Variants in EXOSC10 observed in about 807,000 individuals in gnomAD.
EXOSC10 encodes the protein exosome component 10, also known as exosome complex component 10.
In EXOSC10, 94 loss-of-function variants were observed where a neutral mutation model predicts 126.6. The ratio of observed to expected loss-of-function variants is 0.74; its 90% CI spans 0.63 to 0.88. The LOEUF is 0.88. EXOSC10 is among the 40% of genes least tolerant of loss of function. The probability of loss-of-function intolerance (pLI) is 0.00; values close to 1 mark genes in which losing one functional copy is unlikely to be tolerated. For missense variants in EXOSC10, 1,041 were observed against 1,100.5 expected (o/e 0.95, Z 0.77); for synonymous variants, 395 against 400.8 (o/e 0.99, Z 0.17).
chr1:11,098,250 T>A, intron 1 of EXOSC10, 94 bp from the exon 2 acceptor site: 4 of 1,391,880 alleles, frequency 2.9e-6, no homozygotes, highest in Non-Finnish European at 2.8e-6. Flanking sequence ...AGGTATCTAC[T>A]CTTCATCCAT....
At chr1:11,088,070 T>C in intron 7 of EXOSC10, 53 bp downstream of exon 7, 1 of 1,433,166 alleles carries the variant, frequency 7.0e-7, no homozygotes, top group Non-Finnish European at 9.7e-7. Context: ...TCTACTTATT[T>C]GATTCCTCTT....
In EXOSC10 at chr1:11,089,633, A is replaced by G. The variant is rs868091964; in HGVS notation, c.758+921T>C. On this transcript the variant is annotated intron_variant, in intron 6 of 24. Transcript: ENST00000376936. ...CGAAACTCCGTCCCAAAAAAAAAAA[A>G]AAAGAAAGAAAGAAAGAAAGAAAGA... is the stretch of plus-strand genomic sequence containing the variant. 6.0e-5 allele frequency among the ~76,000 whole-genome samples: 9 copies of G among 148,794 alleles called. No homozygotes were observed. The East Asian group carries it at 9.7e-4, about 16-fold the overall frequency.
chr1:11,073,979 G>A lies in EXOSC10; in HGVS notation c.2112C>T (p.Pro704=), dbSNP rs200016047. 1.7e-5 allele frequency: 27 copies of A among 1,613,842 alleles called. No homozygotes were observed. Among genetic ancestry groups the A allele is most frequent in the South Asian group, 5.5e-5 (5 of 91,060 alleles). The change falls in exon 19 of 25, where the codon CCC becomes CCT. Residue 704 remains proline, a synonymous_variant. Transcript: ENST00000376936. ...MFLPSLGHRA[P]VSQAAKFDPS... ...GATCGAACTTCGCTGCCTGAGAGAC[G>A]GGAGCACGGTGTCCCAGTGAGGGCA...
intron 9 of EXOSC10, among the ~76,000 whole-genome samples, chr1:11,083,562 CAAAAAA>C (rs35412224): frequency 6.1e-5 from 4 of 65,898 alleles, no homozygotes; most frequent in African/African-American, 2.7e-4. Flanking sequence ...AACTCCGTCT[CAAAAAA>C]AAAAAAAAAA....
intron 24 of EXOSC10, among the ~76,000 whole-genome samples, chr1:11,067,329 G>C (rs1442859069): frequency 6.6e-6 from 1 of 152,140 alleles, no homozygotes; most frequent in Non-Finnish European, 1.5e-5. Flanking sequence ...CTACTCGAGA[G>C]GCTGAGGCAG....
intron 6 of EXOSC10, among the ~76,000 whole-genome samples, chr1:11,089,835 T>C (rs1241119592): frequency 5.3e-5 from 8 of 151,890 alleles, no homozygotes; most frequent in Admixed American, 3.3e-4. Flanking sequence ...TCACAGCTAC[T>C]TGGGAGGCAG....
intron 9 of EXOSC10, 72 bp downstream of exon 9, chr1:11,087,376 G>T: frequency 5.8e-6 from 9 of 1,562,810 alleles, no homozygotes; most frequent in South Asian, 1.1e-5. Context: ...TTGAAATAAT[G>T]AAATAGTACA....
chr1:11,066,642 T>C lies in EXOSC10; in HGVS notation c.*76A>G. The stretch of plus-strand genomic sequence containing the variant: ...CTTTCTTCAGGAAGAATTTTAATGG[T>C]TTAAAAATATGTATGTACAAAAGCA... On this transcript the variant is annotated 3_prime_UTR_variant, in exon 25 of 25. Coordinates refer to ENST00000376936, the MANE Select transcript of EXOSC10 (RefSeq NM_001001998.3). 2 of 1,511,438 alleles carry C rather than the reference T, an allele frequency of 1.3e-6. No homozygotes were observed. The highest frequency in any genetic ancestry group is 9.2e-7 in the Non-Finnish European group (1 of 1,087,352). The allele number at this position is 1,511,438 out of a possible 1,614,324, so 93.6% of individuals were successfully genotyped here.
chr1:11,097,886 C>A (rs6656440), intron 2 of EXOSC10, 134 bp downstream of exon 2: 1 of 888,514 alleles, frequency 1.1e-6, no homozygotes. Context: ...AAATCCATTG[C>A]TTCAATTTTC....
chr1:11,080,503 G>T lies in EXOSC10; in HGVS notation c.1633C>A (p.Pro545Thr). 1 of 1,611,052 alleles carries T rather than the reference G, an allele frequency of 6.2e-7. No individual in the cohort carries two copies. The highest frequency in any genetic ancestry group is 8.5e-7 in the Non-Finnish European group (1 of 1,179,316). ...TTAATCAGATTTGAAACTCACTTAG[G>T]CAGTTCTTCAGCTATTTTCAGCATC... is the stretch of plus-strand genomic sequence containing the variant. The part of the protein sequence containing the change: ...HMMLKIAEEL[P>T]KEPQGIIACC... The change falls in exon 13 of 25, where the codon CCT becomes ACT. Residue 545 changes from proline to threonine, a missense_variant. Pro to Thr is a conservative substitution (Grantham distance 38, BLOSUM62 -1). Around this residue, in one of 3 missense-constraint regions of EXOSC10, gnomAD observed 8 missense variants for 29.0 expected, o/e 0.28. Coordinates refer to ENST00000376936, the MANE Select transcript of EXOSC10 (RefSeq NM_001001998.3).
At chr1:11,070,521 CAAAAAAAAAA>C (rs70977541) in intron 21 of EXOSC10, 4 of 112,816 alleles carry the variant, frequency 3.5e-5, no homozygotes, top group Non-Finnish European at 6.9e-5. Flanking sequence ...GACACTACTT[CAAAAAAAAAA>C]AAAAAAAAAA....
intron 17 of EXOSC10, among the ~76,000 whole-genome samples, chr1:11,075,432 C>T (rs140628996): frequency 3.4e-3 from 516 of 152,232 alleles, no homozygotes; most frequent in Admixed American, 7.1e-3. Flanking sequence ...TGTAATTATG[C>T]GCCCTTGCAA....
intron 19 of EXOSC10, 66 bp from the exon 20 acceptor site, chr1:11,072,237 T>G: frequency 8.2e-7 from 1 of 1,225,788 alleles, no homozygotes. Context: ...TGTCTTACTT[T>G]TCATGAGGTG....
At chr1:11,079,968 C>A (rs1422889514) in intron 13 of EXOSC10, 146 bp from the exon 14 acceptor site, 2 of 650,882 alleles carry the variant, frequency 3.1e-6, no homozygotes, top group African/African-American at 1.8e-5. Context: ...TGATGTCAGG[C>A]CAGCCTAGGC....
chr1:11,087,877 A>C lies in EXOSC10; in HGVS notation c.868T>G (p.Phe290Val). 2 of 1,613,266 alleles carry C rather than the reference A, an allele frequency of 1.2e-6. No homozygotes were observed. The highest frequency in any genetic ancestry group is 1.7e-6 in the Non-Finnish European group (2 of 1,179,362). The change falls in exon 8 of 25, where the codon TTC (phenylalanine) becomes GTC (valine). Residue 290 changes from phenylalanine to valine, a missense_variant. Around this residue, in one of 3 missense-constraint regions of EXOSC10, gnomAD observed 645 missense variants for 656.3 expected, o/e 0.98. Coordinates refer to ENST00000376936, the MANE Select transcript of EXOSC10 (RefSeq NM_001001998.3). ...ACGAGTTCATCCAGGGAGGATATGAAATGGCATGGTGTCTCTTCTATAGGT... is the reference window on the plus strand; with the variant it reads ...ACGAGTTCATCCAGGGAGGATATGACATGGCATGGTGTCTCTTCTATAGGT... ...YRPIEETPCHFISSLDELVEL... is the reference protein window; with the variant it reads ...YRPIEETPCHVISSLDELVEL...
intron 3 of EXOSC10, 175 bp downstream of exon 3, chr1:11,095,583 G>C: frequency 8.5e-6 from 4 of 470,740 alleles, no homozygotes; most frequent in Non-Finnish European, 1.6e-5. Flanking sequence ...GTGTGGTGGC[G>C]GGCGCCTGTA....
rs1557712591 is a variant in EXOSC10, at chr1:11,088,135, C to T, written c.822G>A (p.Lys274=). 1 of 1,613,432 alleles carries T rather than the reference C, an allele frequency of 6.2e-7. No individual in the cohort carries two copies. The highest frequency in any genetic ancestry group is 1.3e-5 in the African/African-American group (1 of 75,000). ...HFTPADAVLQ[K]PQPQLYRPIE... ...GCTGGGTACTAACCTGGGGTTGTGG[C>T]TTTTGAAGCACTGCATCTGCTGGGG... is the stretch of plus-strand genomic sequence containing the variant. Residue 274 remains lysine, a synonymous_variant, in exon 7 of 25, where the codon AAG becomes AAA. Coordinates refer to ENST00000376936, the MANE Select transcript of EXOSC10 (RefSeq NM_001001998.3).
intron 10 of EXOSC10, among the ~76,000 whole-genome samples, chr1:11,081,794 C>T (rs1166419697): frequency 1.3e-5 from 2 of 152,146 alleles, no homozygotes; most frequent in Non-Finnish European, 2.9e-5. Context: ...GAAATTCTGG[C>T]ATTCTGGGCC....
In EXOSC10 at chr1:11,070,797, A is replaced by C. The variant is rs189064441; in HGVS notation, c.2316+103T>G. 5.5e-5 allele frequency: 56 copies of C among 1,012,740 alleles called. No individual in the cohort carries two copies. The African/African-American group carries it at 8.4e-4, about 15-fold the overall frequency. 62.7% of individuals were successfully genotyped at this position (1,012,740 alleles called of 1,614,324 possible). On this transcript the variant is annotated intron_variant, in intron 21 of 24. Transcript: ENST00000376936. ...GTGAACCGGAAAGAAGTCAGGACTTAATATAAAGCACAGGGCAAGCCCCCT... is the reference window on the plus strand; with the variant it reads ...GTGAACCGGAAAGAAGTCAGGACTTCATATAAAGCACAGGGCAAGCCCCCT...
Sources: gnomAD v4.1 joint callset for allele counts (sites outside exome capture counted in the v4.1 genomes callset) on GRCh38, gnomAD v4.1.1 for gene constraint, gnomAD v4.1.1 regional missense constraint, MANE v1.5 for transcripts, NCBI Gene and HGNC (gene_info 2026-07-23, HGNC 2026-07-21) for gene names.